ZNF875: variants seen among roughly 807,000 people sequenced by gnomAD.
The protein encoded by ZNF875 is HKR1, GLI-Kruppel zinc finger family member.
In ZNF875, 14 loss-of-function variants were observed where a neutral mutation model predicts 11.2. The ratio of observed to expected loss-of-function variants is 1.26; its 90% CI spans 0.83 to 1.96. ZNF875 has a LOEUF of 1.96. ZNF875 is among the 30% of genes most tolerant of loss of function. The pLI is 0.00. For synonymous variants in ZNF875, 301 were observed against 281.1 expected (o/e 1.07, Z -0.71); for missense variants, 752 against 760.4 (o/e 0.99, Z 0.13).
At position 37,363,489 on chromosome 19, in the gene ZNF875, A is replaced by G. The variant is rs2040322507; in HGVS notation, c.1637A>G (p.Lys546Arg). The part of the protein sequence containing the change: ...CRECGRRFRQ[K>R]PNLFRHKRAH... Reference sequence around the variant, plus strand: ...GAGTGTGGCAGAAGGTTTCGGCAGAAGCCTAACCTGTTTAGGCACAAGAGG... The same window carrying G: ...GAGTGTGGCAGAAGGTTTCGGCAGAGGCCTAACCTGTTTAGGCACAAGAGG... The change falls in exon 5 of 5, where the codon AAG becomes AGG. Residue 546 changes from lysine to arginine, a missense_variant. Lys to Arg is a conservative substitution (Grantham distance 26). Coordinates refer to ENST00000392153, the MANE Select transcript of ZNF875 (RefSeq NM_001353803.2). 6.2e-7 allele frequency: 1 copy of G among 1,613,772 alleles called. No homozygotes were observed. Among genetic ancestry groups the G allele is most frequent in the Non-Finnish European group, 8.5e-7 (1 of 1,179,862 alleles).
chr19:37,315,038 C>T (rs1020711065), upstream of ZNF875: 1 of 151,990 alleles, frequency 6.6e-6, no homozygotes, highest in Non-Finnish European at 1.5e-5. Flanking sequence ...CCCTCCAGTT[C>T]CCCCCAACTC....
At chr19:37,357,256 A>G (rs1399124814) in intron 4 of ZNF875, among the ~76,000 whole-genome samples, 2 of 152,158 alleles carry the variant, frequency 1.3e-5, no homozygotes, top group African/African-American at 2.4e-5. Flanking sequence ...AGGTAATGTG[A>G]TATTTCCAGC....
upstream of ZNF875, among the ~76,000 whole-genome samples, chr19:37,331,470 T>G (rs1430496666): frequency 6.6e-6 from 1 of 151,388 alleles, no homozygotes; most frequent in African/African-American, 2.4e-5. Flanking sequence ...CATTTTGTTA[T>G]GTACTAAGAA....
chr19:37,339,422 C>G (rs891775257), intron 2 of ZNF875, among the ~76,000 whole-genome samples: 3 of 151,930 alleles, frequency 2.0e-5, no homozygotes, highest in Admixed American at 6.6e-5. Context: ...CTTCTATGAT[C>G]AGCTTTGTAC....
At chr19:37,344,288 C>T (rs960484025) in intron 2 of ZNF875, among the ~76,000 whole-genome samples, 1 of 152,150 alleles carries the variant, frequency 6.6e-6, no homozygotes. Flanking sequence ...ATCAGAATTA[C>T]TTGGAAGCCT....
At chr19:37,352,105 A>G (rs1278360673) in intron 4 of ZNF875, among the ~76,000 whole-genome samples, 1 of 152,100 alleles carries the variant, frequency 6.6e-6, no homozygotes, top group Non-Finnish European at 1.5e-5. Flanking sequence ...ATGTACATTA[A>G]TAATTGTTAC....
At chr19:37,357,919 C>T (rs374908194) in intron 4 of ZNF875, 39 of 398,176 alleles carry the variant, frequency 9.8e-5, no homozygotes, top group Admixed American at 7.5e-4. Flanking sequence ...AAGTTGAATA[C>T]GAGTGGTGAG....
At chr19:37,361,715 A>G (rs1250892987) in intron 4 of ZNF875, among the ~76,000 whole-genome samples, 1 of 151,970 alleles carries the variant, frequency 6.6e-6, no homozygotes, top group African/African-American at 2.4e-5. Flanking sequence ...TCAGGAGTTC[A>G]AGACCAGCCT....
rs754497347 is a variant in ZNF875, at chr19:37,363,294, C to T, written c.1442C>T (p.Thr481Met). Residue 481 changes from threonine to methionine, a missense_variant, in exon 5 of 5, where the codon ACG (threonine) becomes ATG (methionine). Coordinates refer to ENST00000392153, the MANE Select transcript of ZNF875 (RefSeq NM_001353803.2). ...SHTGEKPFVCTECGRGFTRKS... is the reference protein window; with the variant it reads ...SHTGEKPFVCMECGRGFTRKS... Reference sequence around the variant, plus strand: ...ACGGGGGAGAAGCCATTTGTATGTACGGAGTGTGGGCGAGGCTTTACCCGG... The same window carrying T: ...ACGGGGGAGAAGCCATTTGTATGTATGGAGTGTGGGCGAGGCTTTACCCGG... 37 of 1,611,330 alleles carry T rather than the reference C, an allele frequency of 2.3e-5. No homozygotes were observed. The highest frequency in any genetic ancestry group is 1.6e-4 in the Middle Eastern group (1 of 6,072).
intron 4 of ZNF875, chr19:37,324,304 T>C (rs546797224): frequency 6.6e-6 from 1 of 152,304 alleles, no homozygotes; most frequent in South Asian, 2.1e-4. Context: ...TGTCTTCTAA[T>C]TTATTCTGTT....
chr19:37,349,660 AT>A (rs368289499), intron 4 of ZNF875, among the ~76,000 whole-genome samples: 1,909 of 150,096 alleles, frequency 0.013, 37 homozygotes, highest in East Asian at 0.055. Flanking sequence ...TGCTTTTTTT[AT>A]TTTTTTTTAT....
upstream of ZNF875, among the ~76,000 whole-genome samples, chr19:37,330,740 T>C (rs1042351651): frequency 6.6e-6 from 1 of 152,214 alleles, no homozygotes; most frequent in African/African-American, 2.4e-5. Context: ...TAATCTTTAA[T>C]AACTTTTTTG....
At chr19:37,336,793 A>T (rs1338447916) in intron 2 of ZNF875, among the ~76,000 whole-genome samples, 5 of 151,716 alleles carry the variant, frequency 3.3e-5, no homozygotes, top group African/African-American at 1.2e-4. Context: ...CTGTAGTCCC[A>T]GCTACTCGGG....
chr19:37,343,037 C>T (rs1277784965), intron 2 of ZNF875, among the ~76,000 whole-genome samples: 2 of 152,072 alleles, frequency 1.3e-5, no homozygotes, highest in African/African-American at 4.8e-5. Context: ...ACTTAGTGGC[C>T]TAAAGAACAT....
intron 4 of ZNF875, among the ~76,000 whole-genome samples, chr19:37,326,664 CTTTTTTTTTTT>C (rs35805509): frequency 6.8e-5 from 6 of 88,084 alleles, no homozygotes; most frequent in African/African-American, 2.2e-4. Flanking sequence ...AATTAGAAAG[CTTTTTTTTTTT>C]TTTTTTTTTT....
chr19:37,341,832 T>C (rs2035784426), intron 2 of ZNF875, among the ~76,000 whole-genome samples: 2 of 152,176 alleles, frequency 1.3e-5, no homozygotes, highest in South Asian at 4.1e-4. Flanking sequence ...AGGCAAGTCA[T>C]TTGTTTCCCT....
intron 4 of ZNF875, 33 bp from the exon 5 acceptor site, chr19:37,362,076 A>T (rs769885438): frequency 6.6e-7 from 1 of 1,521,114 alleles, no homozygotes; most frequent in Admixed American, 1.8e-5. Flanking sequence ...AGCCCTACCT[A>T]TGGCCCCTCT....
chr19:37,329,596 A>T (rs1172043019), intron 4 of ZNF875, among the ~76,000 whole-genome samples: 1 of 152,170 alleles, frequency 6.6e-6, no homozygotes, highest in Non-Finnish European at 1.5e-5. Context: ...ACATCATGTC[A>T]TTTATTGTCC....
rs2040326076 is a variant in ZNF875 at position 37,363,502 on chromosome 19, T to G, written c.1650T>G (p.Phe550Leu). 3.7e-6 allele frequency: 6 copies of G among 1,612,742 alleles called. No individual in the cohort carries two copies. Among genetic ancestry groups the G allele is most frequent in the Non-Finnish European group, 5.1e-6 (6 of 1,179,322 alleles). The change falls in exon 5 of 5, where the codon TTT becomes TTG. Residue 550 changes from phenylalanine to leucine, a missense_variant. Physicochemically the swap from Phe to Leu is conservative, Grantham distance 22. Coordinates refer to ENST00000392153, the MANE Select transcript of ZNF875 (RefSeq NM_001353803.2). ...GGTTTCGGCAGAAGCCTAACCTGTT[T>G]AGGCACAAGAGGGCACACTCAGGTG... ...GRRFRQKPNLFRHKRAHSGAF... is the reference protein window; with the variant it reads ...GRRFRQKPNLLRHKRAHSGAF...
Sources: allele counts gnomAD v4.1 joint callset (sites outside exome capture counted in the v4.1 genomes callset), GRCh38; gene constraint gnomAD v4.1.1; transcripts MANE v1.5; gene names NCBI Gene and HGNC (gene_info 2026-07-23, HGNC 2026-07-21).